Variants in NAALADL2 observed in about 807,000 individuals in gnomAD.
NAALADL2 encodes inactive N-acetylated-alpha-linked acidic dipeptidase-like protein 2.
NAALADL2 carries 76 observed loss-of-function variants against 87.2 expected under a neutral mutation model. The ratio of observed to expected loss-of-function variants is 0.87; its 90% CI spans 0.72 to 1.05. The LOEUF (loss-of-function observed/expected upper bound fraction) is 1.05. Among genes scored for constraint, NAALADL2 ranks in the 50% least tolerant of loss-of-function variants. The pLI, the probability that NAALADL2 is intolerant of heterozygous loss-of-function variation, is 0.00. For missense variants in NAALADL2, 1,089 were observed against 945.8 expected, an observed-to-expected ratio of 1.15 and a Z score of -1.99; for synonymous variants, 354 against 331.0, an observed-to-expected ratio of 1.07 and a Z score of -0.75.
intron 5 of NAALADL2, among the ~76,000 whole-genome samples, chr3:175,399,754 G>A (rs1694574122): frequency 6.6e-6 from 1 of 151,704 alleles, no homozygotes; most frequent in Non-Finnish European, 1.5e-5. Context: ...GAATGTTTTA[G>A]GAATTCTAAG....
intron 3 of NAALADL2, among the ~76,000 whole-genome samples, chr3:174,800,808 C>G (rs1718735202): frequency 6.6e-6 from 1 of 152,226 alleles, no homozygotes; most frequent in Non-Finnish European, 1.5e-5. Context: ...GAAGCCACTT[C>G]TTGCATCAGC....
intron 10 of NAALADL2, among the ~76,000 whole-genome samples, chr3:175,621,073 A>G (rs1726162641): frequency 6.6e-6 from 1 of 152,218 alleles, no homozygotes; most frequent in Admixed American, 6.5e-5. Flanking sequence ...CAGTCAGGAA[A>G]GAGTGGGCAA....
chr3:175,748,737 A>G lies in NAALADL2; in HGVS notation c.1991-6483A>G, dbSNP rs180682293. Among the ~76,000 whole-genome samples, 334 of 152,282 alleles carry G rather than the reference A, an allele frequency of 2.2e-3. 1 individual carries two copies. The highest frequency in any genetic ancestry group is 0.013 in the South Asian group (64 of 4,826). On this transcript the variant is annotated intron_variant, in intron 12 of 13. Transcript: ENST00000454872. ...AAACACAGAAAAATTGAAGTAAACT[A>G]AAATTTAAAACTTGTTGGAGTAGGA...
In NAALADL2 at chr3:175,699,523, G is replaced by A. The variant is rs148701600; in HGVS notation, c.1897-37783G>A. Among the ~76,000 whole-genome samples, 668 of 152,106 alleles carry A rather than the reference G, an allele frequency of 4.4e-3. 5 individuals carry two copies. Among genetic ancestry groups the A allele is most frequent in the South Asian group, 0.016 (76 of 4,828 alleles). On this transcript the variant is annotated intron_variant, in intron 11 of 13. Transcript: ENST00000454872. The stretch of plus-strand genomic sequence containing the variant: ...GAGCCTCCCATTGATATTCCAGGAG[G>A]TGCTTCTACCACACTAGCCCTCTAC...
chr3:175,566,325 C>A (rs964909161), intron 9 of NAALADL2, among the ~76,000 whole-genome samples: 1 of 152,098 alleles, frequency 6.6e-6, no homozygotes, highest in African/African-American at 2.4e-5. Context: ...AAACCCATTC[C>A]TCATACCATT....
chr3:175,155,724 T>C (rs1283753244), intron 2 of NAALADL2, among the ~76,000 whole-genome samples: 2 of 152,202 alleles, frequency 1.3e-5, no homozygotes, highest in African/African-American at 4.8e-5. Context: ...GTAGCCAGTG[T>C]TCCCCAATAA....
At chr3:175,013,826 G>C (rs754263567) in intron 1 of NAALADL2, among the ~76,000 whole-genome samples, 1 of 151,852 alleles carries the variant, frequency 6.6e-6, no homozygotes, top group Non-Finnish European at 1.5e-5. Context: ...CCTTCCTCTC[G>C]CATGTGCTGA....
At chr3:174,789,180 A>G (rs1480455981) in intron 3 of NAALADL2, among the ~76,000 whole-genome samples, 2 of 152,214 alleles carry the variant, frequency 1.3e-5, no homozygotes, top group African/African-American at 2.4e-5. Flanking sequence ...GTACATGCAC[A>G]GAAACTCCAG....
At chr3:174,786,715 T>G (rs963193521) in intron 3 of NAALADL2, among the ~76,000 whole-genome samples, 1 of 152,102 alleles carries the variant, frequency 6.6e-6, no homozygotes, top group Admixed American at 6.6e-5. Flanking sequence ...ATTGTAATGT[T>G]ATATAAATGT....
At chr3:175,597,047 C>A (rs576575836) in intron 10 of NAALADL2, among the ~76,000 whole-genome samples, 1 of 151,922 alleles carries the variant, frequency 6.6e-6, no homozygotes. Flanking sequence ...GAGATTGTAT[C>A]CTCTTTAGAG....
At chr3:175,740,938 T>TA (rs1379604876) in intron 12 of NAALADL2, among the ~76,000 whole-genome samples, 1 of 152,150 alleles carries the variant, frequency 6.6e-6, no homozygotes, top group Admixed American at 6.5e-5. Context: ...GTATAGGTGA[T>TA]AAAAAAGTAT....
chr3:175,458,169 A>C (rs905567456), intron 6 of NAALADL2, among the ~76,000 whole-genome samples: 1 of 152,028 alleles, frequency 6.6e-6, no homozygotes, highest in Non-Finnish European at 1.5e-5. Context: ...TCCAGACTCT[A>C]GGTCCTTTGA....
intron 1 of NAALADL2, among the ~76,000 whole-genome samples, chr3:175,049,959 A>G (rs1320157302): frequency 1.3e-5 from 2 of 151,316 alleles, no homozygotes; most frequent in Non-Finnish European, 2.9e-5. Context: ...AGCTGGGGCC[A>G]CTCTTTGTGT....
chr3:175,568,500 G>T (rs1717570120), intron 9 of NAALADL2, among the ~76,000 whole-genome samples: 1 of 152,178 alleles, frequency 6.6e-6, no homozygotes, highest in African/African-American at 2.4e-5. Flanking sequence ...TGGTTTGTGA[G>T]CTGGATATAT....
intron 13 of NAALADL2, among the ~76,000 whole-genome samples, chr3:175,793,893 C>T (rs1398216406): frequency 6.6e-6 from 1 of 152,080 alleles, no homozygotes; most frequent in South Asian, 2.1e-4. Context: ...TCAATACTGG[C>T]TGAATTACTC....
At chr3:174,606,201 A>G (rs1240821668) in intron 2 of NAALADL2, among the ~76,000 whole-genome samples, 1 of 152,218 alleles carries the variant, frequency 6.6e-6, no homozygotes, top group Non-Finnish European at 1.5e-5. Context: ...GAAAGTAGAT[A>G]AAACCACAAA....
Position 175,224,845 on chromosome 3 carries a change from T to C in NAALADL2, c.546-9086T>C, listed in dbSNP as rs563091873. 4.3e-4 allele frequency among the ~76,000 whole-genome samples: 66 copies of C among 152,324 alleles called. 1 individual carries two copies. Among genetic ancestry groups the C allele is most frequent in the African/African-American group, 1.4e-3 (60 of 41,592 alleles). On this transcript the variant is annotated intron_variant, in intron 2 of 13. Coordinates refer to ENST00000454872, the MANE Select transcript of NAALADL2 (RefSeq NM_207015.3). ...CGTTTTATCTCTATTGTTTTAGAAC[T>C]TATAATTTTCGTTTTTGTTTTCATA...
chr3:174,777,836 C>A (rs919633117), intron 3 of NAALADL2, among the ~76,000 whole-genome samples: 2 of 152,080 alleles, frequency 1.3e-5, no homozygotes, highest in Non-Finnish European at 2.9e-5. Flanking sequence ...AAACCATCCT[C>A]TATCTTCATG....
chr3:175,358,941 G>A (rs991021245), intron 5 of NAALADL2, among the ~76,000 whole-genome samples: 1 of 152,092 alleles, frequency 6.6e-6, no homozygotes, highest in Admixed American at 6.6e-5. Context: ...TAGGAAGAAT[G>A]GAAAGGACTG....
Sources: gnomAD v4.1 joint callset for allele counts (sites outside exome capture counted in the v4.1 genomes callset) on GRCh38, gnomAD v4.1.1 for gene constraint, MANE v1.5 for transcripts, NCBI Gene and HGNC (gene_info 2026-07-23, HGNC 2026-07-21) for gene names.